The following FLNB variants were observed in gnomAD, a reference collection of about 807,000 sequenced individuals.
The protein encoded by FLNB is filamin-B.
Under a neutral mutation model 250.6 loss-of-function variants are expected in FLNB, and 111 were observed. The observed-to-expected ratio is 0.44, with a 90% confidence interval of 0.38 to 0.52. FLNB has a LOEUF of 0.52. Among genes scored for constraint, FLNB ranks in the 20% least tolerant of loss-of-function variants. The pLI is 0.00. For synonymous variants in FLNB, 1,302 were observed against 1,372.1 expected, an observed-to-expected ratio of 0.95 and a Z score of 1.13; for missense variants, 2,869 against 3,447.8, an observed-to-expected ratio of 0.83 and a Z score of 4.20.
In FLNB at chr3:58,171,838, AGCTTATTGGTGGT is replaced by A. The variant is rs1251223439; in HGVS notation, c.*1077_*1089del. ...AATGGTTGGGGGAGAGAAGGGCAGC[AGCTTATTGGTGGT>A]CTTTTCACCATTGGCAGAAACAGTG... On this transcript the variant is annotated 3_prime_UTR_variant, in exon 46 of 46. Transcript: ENST00000295956. This position sits in a 1 kb window ranked among gnomAD's most constrained non-coding sequence, Gnocchi z 5.5. 6.6e-6 allele frequency: 1 copy of A among 152,518 alleles called. No homozygotes were observed. Among genetic ancestry groups the A allele is most frequent in the Non-Finnish European group, 1.5e-5 (1 of 68,266 alleles). 9.4% of individuals were successfully genotyped at this position (152,518 alleles called of 1,614,324 possible). A position where few individuals can be genotyped will look rare whatever the true frequency, so the allele number is the denominator to read the frequency against.
At position 58,170,826 on chromosome 3, in the gene FLNB, T is replaced by C. The variant is rs2097381466; in HGVS notation, c.*64T>C. ...GCTTTTGTTGCTTGTTTGTAATTCA[T>C]TTTATACAAAGCCCTCCAGCCTGTT... On this transcript the variant is annotated 3_prime_UTR_variant, in exon 46 of 46. Coordinates refer to ENST00000295956, the MANE Select transcript of FLNB (RefSeq NM_001457.4). 6.8e-7 allele frequency: 1 copy of C among 1,476,710 alleles called. No individual in the cohort carries two copies. Among genetic ancestry groups the C allele is most frequent in the East Asian group, 2.3e-5 (1 of 42,656 alleles). The allele number at this position is 1,476,710 out of a possible 1,614,324, so 91.5% of individuals were successfully genotyped here.
intron 4 of FLNB, among the ~76,000 whole-genome samples, chr3:58,083,465 C>T (rs1350297624): frequency 2.0e-5 from 3 of 148,650 alleles, no homozygotes; most frequent in African/African-American, 7.5e-5. Flanking sequence ...CTCCTGGGTT[C>T]AAGCGATCCT....
At chr3:58,119,184 G>A (rs2097284083) in intron 19 of FLNB, among the ~76,000 whole-genome samples, 195 bp downstream of exon 19, 4 of 152,252 alleles carry the variant, frequency 2.6e-5, no homozygotes, top group Admixed American at 1.3e-4. Context: ...TAGCCACACC[G>A]AGACTCAGCT....
At chr3:58,143,663 G>A (rs780736389) in intron 32 of FLNB, 50 bp downstream of exon 32, 7 of 1,609,670 alleles carry the variant, frequency 4.3e-6, no homozygotes, top group South Asian at 3.3e-5. Flanking sequence ...AGGGGCATCC[G>A]GGCAGCCTGC....
intron 1 of FLNB, among the ~76,000 whole-genome samples, chr3:58,028,875 CAA>C (rs2097127035): frequency 6.6e-6 from 1 of 151,794 alleles, no homozygotes; most frequent in African/African-American, 2.4e-5. Context: ...CTCAGTCTCA[CAA>C]AGTGTTGGGA....
intron 5 of FLNB, among the ~76,000 whole-genome samples, chr3:58,095,225 G>GTATTTATT (rs200336490): frequency 9.1e-4 from 87 of 96,062 alleles, no homozygotes; most frequent in African/African-American, 2.8e-3. Context: ...TGAGGTTTAT[G>GTATTTATT]TATGTATTTA....
chr3:58,124,609 C>T (rs1467087471), intron 22 of FLNB, 104 bp downstream of exon 22: 2 of 1,220,836 alleles, frequency 1.6e-6, no homozygotes, highest in African/African-American at 3.0e-5. Context: ...AGGCCTGTCT[C>T]AGCAGGGCCA....
At chr3:58,065,635 A>G (rs1457957155) in intron 1 of FLNB, among the ~76,000 whole-genome samples, 2 of 152,168 alleles carry the variant, frequency 1.3e-5, no homozygotes, top group Non-Finnish European at 2.9e-5. Context: ...CTGCCATTGT[A>G]TTTTGGTTGC....
chr3:58,150,482 G>A, intron 38 of FLNB: 6 of 548,552 alleles, frequency 1.1e-5, no homozygotes, highest in South Asian at 2.1e-5. Flanking sequence ...TCACATGGGG[G>A]AAACGTAGAT....
intron 33 of FLNB, 89 bp from the exon 34 acceptor site, chr3:58,146,731 G>T: frequency 7.2e-7 from 1 of 1,384,066 alleles, no homozygotes. Context: ...CCCAGCATCA[G>T]GGCTGCCCTG....
chr3:58,157,672 A>C (rs1192400856), intron 41 of FLNB, among the ~76,000 whole-genome samples: 1 of 152,264 alleles, frequency 6.6e-6, no homozygotes, highest in Non-Finnish European at 1.5e-5. Context: ...TATTGAGGGC[A>C]GGAGCTGCCC....
chr3:58,161,914 G>A (rs978839968), intron 42 of FLNB, among the ~76,000 whole-genome samples: 1 of 152,172 alleles, frequency 6.6e-6, no homozygotes, highest in African/African-American at 2.4e-5. Context: ...CAGCACGTCT[G>A]CCTTCCCCTC....
At chr3:58,049,769 G>A (rs2097159400) in intron 1 of FLNB, among the ~76,000 whole-genome samples, 2 of 152,192 alleles carry the variant, frequency 1.3e-5, no homozygotes. Context: ...GAGCTGCAAA[G>A]GGGGTGTCAG....
chr3:58,118,892 G>A lies in FLNB; in HGVS notation c.2766G>A (p.Val922=), dbSNP rs1415183068. ...TCCAGGGCAACATGCAGGTTCTGGT[G>A]ACTTACGGTGGCGATCCCATCCCTA... ...PTQQGNMQVL[V]TYGGDPIPKS... Residue 922 remains valine (V), a synonymous_variant, in exon 19 of 46, where the codon GTG becomes GTA. Transcript: ENST00000295956. 1 of 1,613,928 alleles carries A rather than the reference G, an allele frequency of 6.2e-7. No individual in the cohort carries two copies. Among genetic ancestry groups the A allele is most frequent in the Admixed American group, 1.7e-5 (1 of 60,004 alleles).
At chr3:58,027,316 C>G (rs2097124820) in intron 1 of FLNB, among the ~76,000 whole-genome samples, 1 of 91,374 alleles carries the variant, frequency 1.1e-5, no homozygotes, top group Admixed American at 1.2e-4. Context: ...CTATGCCCAG[C>G]TAATTCTTTT....
At chr3:58,136,256 A>G (rs2097315733) in intron 28 of FLNB, 88 bp downstream of exon 28, 5 of 1,331,306 alleles carry the variant, frequency 3.8e-6, no homozygotes, top group East Asian at 2.4e-5. Context: ...TACAAGCTAC[A>G]TGATCTGGGC....
At chr3:58,134,499 C>T in intron 26 of FLNB, 117 bp from the exon 27 acceptor site, 1 of 1,213,368 alleles carries the variant, frequency 8.2e-7, no homozygotes, top group East Asian at 2.3e-5. Flanking sequence ...AACTCACTGT[C>T]TTATCTGCTG....
rs538308541 is a variant in FLNB at position 58,112,851 on chromosome 3, T to C, written c.2745+533T>C. Among the ~76,000 whole-genome samples the C allele has an allele frequency of 1.4e-4, 21 of 152,324 alleles. 1 individual carries two copies. The South Asian group carries it at 3.9e-3, about 29-fold the overall frequency. ...AAGAGCCAGTTCAGCCTTTCGTCCCTAAGGCCCAGCACACTATTTAGGGCA... is the reference window on the plus strand; with the variant it reads ...AAGAGCCAGTTCAGCCTTTCGTCCCCAAGGCCCAGCACACTATTTAGGGCA... On this transcript the variant is annotated intron_variant, in intron 18 of 45. Coordinates refer to ENST00000295956, the MANE Select transcript of FLNB (RefSeq NM_001457.4).
At chr3:58,024,942 A>T (rs1287204569) in intron 1 of FLNB, among the ~76,000 whole-genome samples, 5 of 145,126 alleles carry the variant, frequency 3.4e-5, no homozygotes, top group African/African-American at 7.6e-5. Context: ...CAATCTCTTG[A>T]CCTCATACTC....
Sources: gnomAD v4.1 joint callset for allele counts (sites outside exome capture counted in the v4.1 genomes callset) on GRCh38, gnomAD v4.1.1 for gene constraint, Gnocchi (gnomAD v3.1) non-coding constraint, MANE v1.5 for transcripts, NCBI Gene and HGNC (gene_info 2026-07-23, HGNC 2026-07-21) for gene names.